Variants in PLD1 observed in about 807,000 individuals in gnomAD.
PLD1 encodes the protein choline phosphatase 1.
A neutral mutation model predicts 137.1 loss-of-function variants in PLD1; 112 were observed. The observed-to-expected ratio is 0.82, with a 90% confidence interval of 0.70 to 0.96. The LOEUF (loss-of-function observed/expected upper bound fraction) is 0.96. PLD1 is among the 40% of genes least tolerant of loss of function. PLD1 has a pLI of 0.00. For synonymous variants in PLD1, 431 were observed against 454.7 expected, an observed-to-expected ratio of 0.95 and a Z score of 0.66; for missense variants, 1,321 against 1,342.0, an observed-to-expected ratio of 0.98 and a Z score of 0.24.
At position 171,639,848 on chromosome 3, in the gene PLD1, C is replaced by CTATATATATA. The variant is rs148607591; in HGVS notation, c.2593+2982_2593+2991dup. Among the ~76,000 whole-genome samples, 162 of 110,172 alleles carry CTATATATATA rather than the reference C, an allele frequency of 1.5e-3. 1 individual carries two copies. The highest frequency in any genetic ancestry group is 5.7e-3 in the African/African-American group (145 of 25,470). The allele number at this position is 110,172 out of a possible 152,430, so 72.3% of individuals were successfully genotyped here. A position where few individuals can be genotyped will look rare whatever the true frequency, so the allele number is the denominator to read the frequency against. ...TCTCTCTCTCTCTCTCTCTCTCTCTCTATATATATATATATATCTCCTATT... is the reference window on the plus strand; with the variant it reads ...TCTCTCTCTCTCTCTCTCTCTCTCTCTATATATATATATATATATATATATATCTCCTATT... On this transcript the variant is annotated intron_variant, in intron 23 of 26. Transcript: ENST00000351298.
At chr3:171,737,455 G>A in intron 3 of PLD1, 77 bp downstream of exon 3, 1 of 1,214,718 alleles carries the variant, frequency 8.2e-7, no homozygotes, top group Non-Finnish European at 1.1e-6. Context: ...TAGCTAAGAG[G>A]GAGGAAAATG....
At chr3:171,714,236 C>T (rs541950651) in intron 8 of PLD1, among the ~76,000 whole-genome samples, 191 bp from the exon 9 acceptor site, 2 of 152,190 alleles carry the variant, frequency 1.3e-5, no homozygotes, top group East Asian at 3.9e-4. Context: ...CTTTCTATTA[C>T]GTTTTTCTAA....
In PLD1 at chr3:171,785,567, T is replaced by C. The variant is rs369173122; in HGVS notation, c.-32+24832A>G. 3.3e-5 allele frequency among the ~76,000 whole-genome samples: 5 copies of C among 152,070 alleles called. No individual in the cohort carries two copies. In the South Asian group the frequency reaches 6.2e-4, roughly 19 times the overall value. ...GATTCTCCTCCCTCAGCCTCCCGAG[T>C]AGCTCGCATTACAGGCACGTGCCAC... On this transcript the variant is annotated intron_variant, in intron 1 of 26. Coordinates refer to ENST00000351298, the MANE Select transcript of PLD1 (RefSeq NM_002662.5).
At chr3:171,797,122 C>T (rs1478192302) in intron 1 of PLD1, among the ~76,000 whole-genome samples, 1 of 152,086 alleles carries the variant, frequency 6.6e-6, no homozygotes, top group Non-Finnish European at 1.5e-5. Flanking sequence ...AGGCTATACT[C>T]CCACTCCCAT....
At chr3:171,675,154 A>G (rs866457313) in intron 18 of PLD1, among the ~76,000 whole-genome samples, 1 of 152,056 alleles carries the variant, frequency 6.6e-6, no homozygotes. Flanking sequence ...ATATTGTTTT[A>G]TATTTGTAAA....
chr3:171,650,889 G>A (rs1038953430), intron 21 of PLD1, among the ~76,000 whole-genome samples: 1 of 151,176 alleles, frequency 6.6e-6, no homozygotes, highest in Non-Finnish European at 1.5e-5. Context: ...GCGACAGAGC[G>A]AGAATCCGTC....
intron 26 of PLD1, among the ~76,000 whole-genome samples, chr3:171,605,097 T>G (rs1037482620): frequency 1.3e-5 from 2 of 152,240 alleles, no homozygotes; most frequent in Admixed American, 1.3e-4. Flanking sequence ...TGCTAAAGCC[T>G]CTTCTAAACC....
At chr3:171,604,618 C>G (rs1323777524) in intron 26 of PLD1, among the ~76,000 whole-genome samples, 1 of 152,094 alleles carries the variant, frequency 6.6e-6, no homozygotes, top group Non-Finnish European at 1.5e-5. Context: ...TTACGCAACT[C>G]TTAACTCTTT....
intron 16 of PLD1, among the ~76,000 whole-genome samples, chr3:171,682,156 GAAAGAAAGAAA>G (rs1560211491): frequency 1.6e-5 from 1 of 63,812 alleles, no homozygotes; most frequent in Non-Finnish European, 3.2e-5. Flanking sequence ...AAGAAAGAAA[GAAAGAAAGAAA>G]AAGAAAGAAA....
At chr3:171,727,771 CAA>C (rs1416185372) in intron 6 of PLD1, among the ~76,000 whole-genome samples, 2 of 151,998 alleles carry the variant, frequency 1.3e-5, no homozygotes, top group African/African-American at 4.8e-5. Flanking sequence ...ATTAGTAAAA[CAA>C]AAGTTTTCCA....
chr3:171,794,897 T>C (rs370302695), intron 1 of PLD1, among the ~76,000 whole-genome samples: 1 of 152,250 alleles, frequency 6.6e-6, no homozygotes, highest in African/African-American at 2.4e-5. Context: ...ATTAGCTATA[T>C]AGATTTAATG....
At chr3:171,711,793 A>G (rs1335195425) in intron 9 of PLD1, among the ~76,000 whole-genome samples, 1 of 148,046 alleles carries the variant, frequency 6.8e-6, no homozygotes, top group Non-Finnish European at 1.5e-5. Context: ...AAACTATCCT[A>G]AACTCTTACA....
intron 1 of PLD1, among the ~76,000 whole-genome samples, chr3:171,756,199 C>G (rs191852751): frequency 1.4e-4 from 22 of 152,288 alleles, no homozygotes; most frequent in Non-Finnish European, 3.2e-4. Flanking sequence ...CTTTCCACCC[C>G]CTTCTGCCAG....
At chr3:171,783,741 C>G (rs1173163452) in intron 1 of PLD1, among the ~76,000 whole-genome samples, 1 of 152,182 alleles carries the variant, frequency 6.6e-6, no homozygotes. Flanking sequence ...CTCTCAGGCT[C>G]TAGTGATTTT....
At chr3:171,691,589 A>T in intron 13 of PLD1, among the ~76,000 whole-genome samples, 1 of 152,150 alleles carries the variant, frequency 6.6e-6, no homozygotes, top group East Asian at 1.9e-4. Flanking sequence ...TGCTCCTTTA[A>T]CAGCTCTTCC....
At chr3:171,732,804 T>C (rs1200226238) in intron 6 of PLD1, among the ~76,000 whole-genome samples, 4 of 152,142 alleles carry the variant, frequency 2.6e-5, no homozygotes, top group Non-Finnish European at 5.9e-5. Flanking sequence ...CCACCTTTAA[T>C]AGTGCAGAGC....
chr3:171,732,711 A>G (rs184867901), intron 6 of PLD1, among the ~76,000 whole-genome samples: 7 of 152,318 alleles, frequency 4.6e-5, no homozygotes, highest in Admixed American at 2.6e-4. Flanking sequence ...AATTCATACA[A>G]ATGCATACAT....
intron 11 of PLD1, among the ~76,000 whole-genome samples, chr3:171,706,149 T>TCTATCTAG (rs1175925100): frequency 1.3e-5 from 2 of 151,884 alleles, no homozygotes; most frequent in Admixed American, 6.6e-5. Flanking sequence ...TATCTATCTA[T>TCTATCTAG]CTATCTATCT....
chr3:171,710,872 C>CTTTTTTTTTGTTTTT (rs1717146668), intron 9 of PLD1, among the ~76,000 whole-genome samples: 1 of 98,614 alleles, frequency 1.0e-5, no homozygotes, highest in African/African-American at 4.7e-5. Context: ...GAAAACTGTT[C>CTTTTTTTTTGTTTTT]TTTTTTTTTT....
Sources: gnomAD v4.1 joint callset for allele counts (sites outside exome capture counted in the v4.1 genomes callset) on GRCh38, gnomAD v4.1.1 for gene constraint, MANE v1.5 for transcripts, NCBI Gene and HGNC (gene_info 2026-07-23, HGNC 2026-07-21) for gene names.